The following FAM120B variants were observed in gnomAD, a reference collection of about 807,000 sequenced individuals.
FAM120B encodes family with sequence similarity 120 member B, also known as constitutive coactivator of peroxisome proliferator-activated receptor gamma.
In FAM120B, 83 loss-of-function variants were observed where a neutral mutation model predicts 96.3. The ratio of observed to expected loss-of-function variants is 0.86; its 90% CI spans 0.72 to 1.03. The LOEUF is 1.03. Ranked by LOEUF, FAM120B falls within the 50% of genes least tolerant of loss-of-function variation. The probability of loss-of-function intolerance (pLI) is 0.00; values close to 1 mark genes in which losing one functional copy is unlikely to be tolerated. For synonymous variants in FAM120B, 407 were observed against 402.7 expected (o/e 1.01, Z -0.13); for missense variants, 1,027 against 1,121.2 (o/e 0.92, Z 1.20).
intron 1 of FAM120B, among the ~76,000 whole-genome samples, chr6:170,315,024 T>C (rs941212410): frequency 2.6e-5 from 4 of 152,250 alleles, no homozygotes; most frequent in African/African-American, 7.2e-5. Flanking sequence ...GGGCGTGCGG[T>C]GAACCCTAGG....
At chr6:170,326,525 A>G (rs919468764) in intron 3 of FAM120B, among the ~76,000 whole-genome samples, 3 of 152,182 alleles carry the variant, frequency 2.0e-5, no homozygotes, top group Non-Finnish European at 4.4e-5. Flanking sequence ...CCTATAATAC[A>G]TGAGGGGTTG....
At chr6:170,290,905 T>C, upstream of FAM120B, 3 of 693,936 alleles carry the variant, frequency 4.3e-6, no homozygotes, top group Non-Finnish European at 7.9e-6. This position sits in a 1 kb window ranked among gnomAD's most constrained non-coding sequence, Gnocchi z 4.7. Context: ...GGGTCGGGTC[T>C]CCGCGGGTGC....
intron 7 of FAM120B, among the ~76,000 whole-genome samples, chr6:170,390,322 G>A (rs1002509379): frequency 2.0e-5 from 3 of 152,178 alleles, no homozygotes; most frequent in South Asian, 4.1e-4. Context: ...GAGGAGAAAT[G>A]TGCTTCTAAT....
intron 6 of FAM120B, among the ~76,000 whole-genome samples, chr6:170,361,854 C>T (rs989482693): frequency 6.6e-6 from 1 of 152,056 alleles, no homozygotes; most frequent in Non-Finnish European, 1.5e-5. Flanking sequence ...AGTGCAGTGA[C>T]GTGATCTCAG....
At chr6:170,300,317 T>C (rs1227179637) in intron 1 of FAM120B, among the ~76,000 whole-genome samples, 1 of 152,156 alleles carries the variant, frequency 6.6e-6, no homozygotes, top group Non-Finnish European at 1.5e-5. Flanking sequence ...TCAGGTCTCA[T>C]GAGAACTCAC....
At chr6:170,401,241 C>G (rs776783938) in intron 9 of FAM120B, among the ~76,000 whole-genome samples, 13 of 152,216 alleles carry the variant, frequency 8.5e-5, no homozygotes, top group Non-Finnish European at 1.2e-4. Context: ...TGCCAGAAGT[C>G]CAGAGGCCAC....
chr6:170,326,088 G>A (rs1053522986), intron 3 of FAM120B, among the ~76,000 whole-genome samples: 3 of 151,736 alleles, frequency 2.0e-5, no homozygotes, highest in Non-Finnish European at 2.9e-5. Flanking sequence ...AAATAATTAC[G>A]GATTCACAGG....
At chr6:170,332,847 T>G (rs2115075093) in intron 4 of FAM120B, among the ~76,000 whole-genome samples, 1 of 152,280 alleles carries the variant, frequency 6.6e-6, no homozygotes. Flanking sequence ...CAGTTTTAAT[T>G]AGGATAATCT....
At chr6:170,302,288 C>T (rs142468677), upstream of FAM120B, among the ~76,000 whole-genome samples, 1,332 of 152,322 alleles carry the variant, frequency 8.7e-3, 32 homozygotes, top group African/African-American at 0.031. Flanking sequence ...CATCAGGTCT[C>T]ATGAGAACTC....
intron 3 of FAM120B, among the ~76,000 whole-genome samples, chr6:170,325,883 G>A (rs975698564): frequency 6.6e-6 from 1 of 151,584 alleles, no homozygotes; most frequent in African/African-American, 2.4e-5. Context: ...TTGATCTGGG[G>A]GTCTGTTAGA....
chr6:170,320,802 T>G (rs1785236908), intron 2 of FAM120B, among the ~76,000 whole-genome samples: 1 of 150,472 alleles, frequency 6.6e-6, no homozygotes, highest in Non-Finnish European at 1.5e-5. Context: ...AGATCAGGAG[T>G]GAGCAGAGGA....
intron 5 of FAM120B, among the ~76,000 whole-genome samples, chr6:170,349,759 A>G (rs1321605355): frequency 6.6e-6 from 1 of 152,202 alleles, no homozygotes; most frequent in Non-Finnish European, 1.5e-5. Flanking sequence ...CGTGGCACTC[A>G]CAGAGAGGAA....
intron 9 of FAM120B, among the ~76,000 whole-genome samples, chr6:170,397,732 C>T (rs1224554941): frequency 2.0e-5 from 3 of 152,164 alleles, no homozygotes; most frequent in Non-Finnish European, 2.9e-5. Context: ...CTCATCCATC[C>T]ACACCTTCCC....
intron 9 of FAM120B, among the ~76,000 whole-genome samples, chr6:170,398,333 G>C (rs1194843510): frequency 1.3e-5 from 2 of 152,238 alleles, no homozygotes; most frequent in African/African-American, 2.4e-5. Flanking sequence ...GTAGAACTAT[G>C]TCATAACTCT....
intron 4 of FAM120B, among the ~76,000 whole-genome samples, chr6:170,334,166 A>G (rs76523591): frequency 0.042 from 6,335 of 152,264 alleles, 185 homozygotes; most frequent in Middle Eastern, 0.11. Context: ...TACTTTAAGC[A>G]TATCCTTATT....
chr6:170,390,372 G>T (rs1468809832), intron 7 of FAM120B, among the ~76,000 whole-genome samples: 1 of 152,134 alleles, frequency 6.6e-6, no homozygotes, highest in Non-Finnish European at 1.5e-5. Context: ...AGAAATGAAA[G>T]GTAAAGTAGC....
rs1479064334 is a variant in FAM120B at position 170,370,330 on chromosome 6, G to A, written c.2283+12012G>A. Among the ~76,000 whole-genome samples the A allele has an allele frequency of 3.9e-5, 6 of 152,206 alleles. No individual in the cohort carries two copies. Among genetic ancestry groups the A allele is most frequent in the Admixed American group, 3.9e-4 (6 of 15,286 alleles). On this transcript the variant is annotated intron_variant, in intron 6 of 10. Coordinates refer to ENST00000476287, the MANE Select transcript of FAM120B (RefSeq NM_032448.3). This position sits in a 1 kb window ranked among gnomAD's most constrained non-coding sequence, Gnocchi z 4.3. ...GCAGCTACGTCCCCGAGCTCTTTGTGGAAGACAGGGAAAGTGATGGTCTGC... is the reference window on the plus strand; with the variant it reads ...GCAGCTACGTCCCCGAGCTCTTTGTAGAAGACAGGGAAAGTGATGGTCTGC...
chr6:170,312,610 G>A (rs1330899411), intron 1 of FAM120B, among the ~76,000 whole-genome samples: 2 of 152,126 alleles, frequency 1.3e-5, no homozygotes, highest in Admixed American at 6.5e-5. Context: ...AGTGGTTGTG[G>A]CCCGACTGTT....
intron 5 of FAM120B, among the ~76,000 whole-genome samples, chr6:170,351,628 T>G (rs1787589263): frequency 6.6e-6 from 1 of 152,140 alleles, no homozygotes; most frequent in South Asian, 2.1e-4. Context: ...CAGAAGAGAT[T>G]GAGTGCCAAT....
Sources: allele counts gnomAD v4.1 joint callset (sites outside exome capture counted in the v4.1 genomes callset), GRCh38; gene constraint gnomAD v4.1.1; non-coding constraint Gnocchi (gnomAD v3.1); transcripts MANE v1.5; gene names NCBI Gene and HGNC (gene_info 2026-07-23, HGNC 2026-07-21).